The following PRMT8 variants were observed in gnomAD, a reference collection of about 807,000 sequenced individuals.
PRMT8 encodes protein arginine N-methyltransferase 8.
In PRMT8, 7 loss-of-function variants were observed where a neutral mutation model predicts 47.1. That is an observed-to-expected ratio of 0.15 (90% confidence interval 0.08 to 0.28). The LOEUF is 0.28. Among genes scored for constraint, PRMT8 ranks in the 10% least tolerant of loss-of-function variants. The pLI, the probability that PRMT8 is intolerant of heterozygous loss-of-function variation, is 1.00. For synonymous variants in PRMT8, 188 were observed against 186.5 expected (o/e 1.01, Z -0.07); for missense variants, 237 against 505.4 (o/e 0.47, Z 5.09).
At chr12:3,401,776 A>T (rs1864319904) in intron 1 of PRMT8, among the ~76,000 whole-genome samples, 1 of 152,194 alleles carries the variant, frequency 6.6e-6, no homozygotes, top group African/African-American at 2.4e-5. Context: ...CTAACAAAGG[A>T]AGTAATGGAC....
At chr12:3,469,900 AC>A (rs1005405059) in intron 1 of PRMT8, among the ~76,000 whole-genome samples, 3 of 151,930 alleles carry the variant, frequency 2.0e-5, no homozygotes, top group African/African-American at 7.3e-5. Flanking sequence ...TGTCAGTGCC[AC>A]CCCGCAGACA....
chr12:3,414,830 T>C (rs1264056195), intron 1 of PRMT8, among the ~76,000 whole-genome samples: 4 of 152,068 alleles, frequency 2.6e-5, no homozygotes, highest in Non-Finnish European at 4.4e-5. Flanking sequence ...GTTGTATCTC[T>C]GCTTGCTGCT....
intron 1 of PRMT8, among the ~76,000 whole-genome samples, chr12:3,413,129 C>T (rs966670379): frequency 1.3e-5 from 2 of 152,050 alleles, no homozygotes; most frequent in Non-Finnish European, 2.9e-5. Flanking sequence ...AAGGGTAGGC[C>T]ACCTTAATTC....
At position 3,478,307 on chromosome 12, in the gene PRMT8, TCTAC is replaced by T. The variant is rs59437397; in HGVS notation, c.49-62291_49-62288del. Reference sequence around the variant, plus strand: ...ATCTATCTATCTATCTATCTATCTATCTACCTACCTATCTATCTGTCTGTCTATC... The same window carrying T: ...ATCTATCTATCTATCTATCTATCTATCTACCTATCTATCTGTCTGTCTATC... On this transcript the variant is annotated intron_variant, in intron 1 of 9. Coordinates refer to the PRMT8 transcript ENST00000452611. Among the ~76,000 whole-genome samples the T allele has an allele frequency of 2.3e-4, 31 of 135,720 alleles. No homozygotes were observed. The East Asian group carries it at 6.7e-3, about 29-fold the overall frequency. The allele number at this position is 135,720 out of a possible 152,430, so 89.0% of individuals were successfully genotyped here.
rs556004488 is a variant in PRMT8, at chr12:3,564,625, C to G, written c.482-4081C>G. Among the ~76,000 whole-genome samples the G allele has an allele frequency of 6.6e-6, 1 of 152,330 alleles. No individual in the cohort carries two copies. Among genetic ancestry groups the G allele is most frequent in the African/African-American group, 2.4e-5 (1 of 41,574 alleles). On this transcript the variant is annotated intron_variant, in intron 4 of 9. Transcript: ENST00000382622. The surrounding 1 kb of genome is among the most constrained non-coding windows in gnomAD (Gnocchi z 4.0). Reference sequence around the variant, plus strand: ...TACCAGCCAGAGTCCTGTCATAGTTCGTTGAACAAACTTTCCATCATCCTT... The same window carrying G: ...TACCAGCCAGAGTCCTGTCATAGTTGGTTGAACAAACTTTCCATCATCCTT...
intron 1 of PRMT8, among the ~76,000 whole-genome samples, chr12:3,525,056 T>A (rs941268421): frequency 1.3e-5 from 2 of 152,020 alleles, no homozygotes; most frequent in African/African-American, 4.8e-5. Context: ...ACCCCATCAC[T>A]ACTAAAAATA....
At position 3,484,947 on chromosome 12, in the gene PRMT8, G is replaced by A. The variant is rs542775871; in HGVS notation, c.49-55659G>A. Among the ~76,000 whole-genome samples the A allele has an allele frequency of 2.7e-4, 41 of 152,282 alleles. 1 individual carries two copies. Among genetic ancestry groups the A allele is most frequent in the African/African-American group, 9.9e-4 (41 of 41,544 alleles). On this transcript the variant is annotated intron_variant, in intron 1 of 9. Coordinates refer to the PRMT8 transcript ENST00000452611. ...GGGAGTGGGCTTCTACTAGGCACTGGTATGGGCAGGGGTGGCAGGCTGCTA... is the reference window on the plus strand; with the variant it reads ...GGGAGTGGGCTTCTACTAGGCACTGATATGGGCAGGGGTGGCAGGCTGCTA...
At position 3,583,242 on chromosome 12, in the gene PRMT8, C is replaced by T; in HGVS notation, c.979+34C>T. On this transcript the variant is annotated intron_variant, in intron 8 of 9. Transcript: ENST00000382622. This position sits in a 1 kb window ranked among gnomAD's most constrained non-coding sequence, Gnocchi z 4.7. Reference sequence around the variant, plus strand: ...TTTGTTGCTTCCCAGAGCCTCCTCCCTCTCCCATGCTTCCTCAAGTCTTTG... The same window carrying T: ...TTTGTTGCTTCCCAGAGCCTCCTCCTTCTCCCATGCTTCCTCAAGTCTTTG... The T allele has an allele frequency of 6.3e-7, 1 of 1,579,826 alleles. No individual in the cohort carries two copies.
chr12:3,533,601 G>A (rs964785071), intron 1 of PRMT8, among the ~76,000 whole-genome samples: 1 of 152,204 alleles, frequency 6.6e-6, no homozygotes, highest in Non-Finnish European at 1.5e-5. Flanking sequence ...AGCCCCGAGG[G>A]TAAGAAGCAG....
intron 1 of PRMT8, among the ~76,000 whole-genome samples, chr12:3,391,620 A>G (rs1265199283): frequency 1.3e-5 from 2 of 152,236 alleles, no homozygotes; most frequent in Non-Finnish European, 2.9e-5. Flanking sequence ...CGAAGCCACT[A>G]GAGGATTCGG....
At chr12:3,442,345 AAAAC>A (rs1864812166) in intron 1 of PRMT8, among the ~76,000 whole-genome samples, 1 of 152,222 alleles carries the variant, frequency 6.6e-6, no homozygotes. Context: ...GAATAAAAAA[AAAAC>A]AAAGGCATGA....
chr12:3,582,707 G>A (rs980933842), intron 7 of PRMT8, among the ~76,000 whole-genome samples: 3 of 152,132 alleles, frequency 2.0e-5, no homozygotes, highest in Non-Finnish European at 4.4e-5. Context: ...TGGACCACTC[G>A]AGGCTGCTCT....
intron 6 of PRMT8, among the ~76,000 whole-genome samples, chr12:3,571,916 T>C (rs1388102043): frequency 5.3e-5 from 8 of 152,238 alleles, no homozygotes; most frequent in Non-Finnish European, 1.0e-4. Flanking sequence ...TAAGCAATTT[T>C]CTATTGGCTC....
At chr12:3,443,755 C>G (rs1016795183) in intron 1 of PRMT8, among the ~76,000 whole-genome samples, 6 of 152,236 alleles carry the variant, frequency 3.9e-5, no homozygotes, top group African/African-American at 1.2e-4. Flanking sequence ...ACCCCTCTCC[C>G]TAGAGGCTGC....
At chr12:3,428,249 C>CT (rs35618423) in intron 1 of PRMT8, among the ~76,000 whole-genome samples, 20,836 of 143,930 alleles carry the variant, frequency 0.14, 2,116 homozygotes, top group African/African-American at 0.3. Flanking sequence ...TTCTTTCTTT[C>CT]TTTTTTTTTT....
At chr12:3,544,754 G>A (rs1866298966) in intron 2 of PRMT8, among the ~76,000 whole-genome samples, 1 of 152,204 alleles carries the variant, frequency 6.6e-6, no homozygotes, top group Non-Finnish European at 1.5e-5. Flanking sequence ...CCATACGGAT[G>A]TTTCTTTAGT....
chr12:3,452,955 C>T (rs1446113140), intron 1 of PRMT8, among the ~76,000 whole-genome samples: 1 of 152,174 alleles, frequency 6.6e-6, no homozygotes, highest in Non-Finnish European at 1.5e-5. Context: ...TGGCAGCTTA[C>T]TTGGCATTTC....
intron 4 of PRMT8, among the ~76,000 whole-genome samples, chr12:3,558,964 AT>A (rs1202054600): frequency 1.4e-5 from 2 of 140,880 alleles, no homozygotes; most frequent in African/African-American, 3.0e-5. Flanking sequence ...CTATCTACCT[AT>A]CTATCTATCT....
intron 2 of PRMT8, among the ~76,000 whole-genome samples, chr12:3,546,681 G>T (rs980676206): frequency 5.9e-5 from 9 of 152,156 alleles, no homozygotes; most frequent in Non-Finnish European, 1.3e-4. Flanking sequence ...GAATTCATAT[G>T]AAACTTCCTA....
Sources: allele counts gnomAD v4.1 joint callset (sites outside exome capture counted in the v4.1 genomes callset), GRCh38; gene constraint gnomAD v4.1.1; non-coding constraint Gnocchi (gnomAD v3.1); transcripts MANE v1.5; gene names NCBI Gene and HGNC (gene_info 2026-07-23, HGNC 2026-07-21).